The following CACNA1A variants were observed in gnomAD, a reference collection of about 807,000 sequenced individuals.
CACNA1A encodes voltage-dependent P/Q-type calcium channel subunit alpha-1A.
Under a neutral mutation model 262.4 loss-of-function variants are expected in CACNA1A, and 57 were observed. The ratio of observed to expected loss-of-function variants is 0.22; its 90% CI spans 0.18 to 0.27. CACNA1A has a LOEUF of 0.27. Ranked by LOEUF, CACNA1A falls within the 10% of genes least tolerant of loss-of-function variation. The pLI is 1.00. For missense variants in CACNA1A, 2,526 were observed against 3,562.8 expected (o/e 0.71, Z 7.41); for synonymous variants, 1,431 against 1,419.3 (o/e 1.01, Z -0.18).
intron 5 of CACNA1A, chr19:13,365,080 C>T (rs1268218319): frequency 8.3e-6 from 3 of 360,478 alleles, no homozygotes; most frequent in Non-Finnish European, 1.5e-5. Context: ...GATGGTGCTT[C>T]CTGGGATCAT....
rs1210220449 is a variant in CACNA1A, at chr19:13,359,615, G to A, written c.969C>T (p.Leu323=). The A allele has an allele frequency of 1.9e-6, 3 of 1,609,940 alleles. No homozygotes were observed. The Middle Eastern group carries it at 5.0e-4, about 267-fold the overall frequency. ...TCCCAGCATCACTTACATTGTAGAG[G>A]AGATCAGTCCACCCTTCCATGGTTA... ...QCITMEGWTD[L]LYNSNDASGN... Residue 323 remains leucine, a synonymous_variant, in exon 6 of 47, where the codon CTC becomes CTT. Transcript: ENST00000360228.
intron 3 of CACNA1A, among the ~76,000 whole-genome samples, chr19:13,393,760 C>A (rs1303171014): frequency 2.2e-5 from 2 of 92,756 alleles, no homozygotes; most frequent in Non-Finnish European, 5.2e-5. Flanking sequence ...CCCCTTCCTT[C>A]CCTTCCCTCC....
rs908571952 is a variant in CACNA1A at position 13,503,526 on chromosome 19, C to G, written c.293+2406G>C. 1.6e-4 allele frequency among the ~76,000 whole-genome samples: 24 copies of G among 151,880 alleles called. No individual in the cohort carries two copies. The East Asian group carries it at 4.1e-3, about 26-fold the overall frequency. ...AAAGTAGAATGTTCTGCCCTGGTAT[C>G]GTGACTCTGACATTCCACGTGTCTT... On this transcript the variant is annotated intron_variant, in intron 1 of 46. Transcript: ENST00000360228.
At chr19:13,406,131 C>T (rs1412580632) in intron 3 of CACNA1A, among the ~76,000 whole-genome samples, 1 of 151,816 alleles carries the variant, frequency 6.6e-6, no homozygotes, top group African/African-American at 2.4e-5. Context: ...GCCTGGTCAA[C>T]ATAGTGAAAC....
intron 19 of CACNA1A, among the ~76,000 whole-genome samples, chr19:13,290,658 C>T (rs916089309): frequency 6.6e-6 from 1 of 151,964 alleles, no homozygotes; most frequent in African/African-American, 2.4e-5. Flanking sequence ...AGAGATCCAC[C>T]TGCCTTGGCC....
At chr19:13,235,110 A>G (rs957002932) in intron 33 of CACNA1A, 74 bp from the exon 34 acceptor site, 434 of 1,541,364 alleles carry the variant, frequency 2.8e-4, no homozygotes, top group Non-Finnish European at 3.6e-4. Flanking sequence ...CTCAACCTCC[A>G]TGGCTGCTTC....
chr19:13,217,067 A>G (rs2055039808), intron 38 of CACNA1A, among the ~76,000 whole-genome samples: 1 of 152,168 alleles, frequency 6.6e-6, no homozygotes, highest in Non-Finnish European at 1.5e-5. Context: ...TGGGAGGTGG[A>G]GGCTGCAGTG....
chr19:13,214,569 T>C lies in CACNA1A; in HGVS notation c.5771A>G (p.Lys1924Arg), dbSNP rs1181667215. The C allele has an allele frequency of 6.2e-7, 1 of 1,613,996 alleles. No individual in the cohort carries two copies. The highest frequency in any genetic ancestry group is 2.2e-5 in the East Asian group (1 of 44,876). ...DKQQMDAELR[K>R]EMMAIWPNLS... is the part of the protein sequence containing the mutation. ...ATTGGGCCAAATCGCCATCATCTCC[T>C]TCCGCAGCTCAGCGTCCATCTGCTG... The change falls in exon 39 of 47, where the codon AAG becomes AGG. Residue 1924 changes from lysine to arginine, a missense_variant. Lys to Arg is a conservative substitution (Grantham distance 26). Coordinates refer to ENST00000360228, the MANE Select transcript of CACNA1A (RefSeq NM_001127222.2). This position sits in a 1 kb window ranked among gnomAD's most constrained non-coding sequence, Gnocchi z 4.1.
intron 24 of CACNA1A, chr19:13,263,325 G>A (rs117819326): frequency 0.012 from 1,916 of 162,734 alleles, 11 homozygotes; most frequent in Non-Finnish European, 0.016. Flanking sequence ...ACGCCACTGC[G>A]CCTGGCTAAT....
chr19:13,413,907 G>GAAAAGAAAAGAAAAGAAAAGA lies in CACNA1A; in HGVS notation c.539+38968_539+38969insTCTTTTCTTTTCTTTTCTTTT, dbSNP rs199642802. Among the ~76,000 whole-genome samples, 10 of 83,144 alleles carry GAAAAGAAAAGAAAAGAAAAGA rather than the reference G, an allele frequency of 1.2e-4. No homozygotes were observed. The East Asian group carries it at 1.6e-3, about 14-fold the overall frequency. The allele number at this position is 83,144 out of a possible 152,430, so 54.5% of individuals were successfully genotyped here. A position where few individuals can be genotyped will look rare whatever the true frequency, so the allele number is the denominator to read the frequency against. On this transcript the variant is annotated intron_variant, in intron 3 of 46. Transcript: ENST00000360228. ...AAAGAAAGAAAGAAAAAGAAAGAAA[G>GAAAAGAAAAGAAAAGAAAAGA]AAAGAAAGAAAGAAAGAAAGAAAGA... is the stretch of plus-strand genomic sequence containing the variant.
intron 24 of CACNA1A, among the ~76,000 whole-genome samples, chr19:13,268,922 G>A (rs1328886227): frequency 9.5e-6 from 1 of 104,764 alleles, no homozygotes; most frequent in Non-Finnish European, 1.9e-5. Flanking sequence ...TTTTTTTGAT[G>A]GATTCTCACT....
rs1489951571 is a variant in CACNA1A, at chr19:13,234,907, G to A, written c.5249+14C>T. Reference sequence around the variant, plus strand: ...CCACGGAAACAGAATTATCAGAGCAGGTCCCCTTCTCACCGGAAGAGAAGC... The same window carrying A: ...CCACGGAAACAGAATTATCAGAGCAAGTCCCCTTCTCACCGGAAGAGAAGC... On this transcript the variant is annotated intron_variant, in intron 34 of 46. Coordinates refer to ENST00000360228, the MANE Select transcript of CACNA1A (RefSeq NM_001127222.2). 2 of 1,558,030 alleles carry A rather than the reference G, an allele frequency of 1.3e-6. No individual in the cohort carries two copies. The highest frequency in any genetic ancestry group is 1.8e-6 in the Non-Finnish European group (2 of 1,128,826).
intron 22 of CACNA1A, among the ~76,000 whole-genome samples, chr19:13,281,752 G>A (rs2057297117): frequency 6.6e-6 from 1 of 152,216 alleles, no homozygotes; most frequent in South Asian, 2.1e-4. Context: ...GTGGTTACGT[G>A]GTGTGAACGT....
Position 13,207,699 on chromosome 19 carries a change from A to G in CACNA1A, c.7135T>C (p.Ser2379Pro). ...CCGCCGTGTCGACAGGCCCTGGGGGACTCGCTCCGGGCCGGGCCTGGGACC... is the reference window on the plus strand; with the variant it reads ...CCGCCGTGTCGACAGGCCCTGGGGGGCTCGCTCCGGGCCGGGCCTGGGACC... The part of the protein sequence containing the change: ...RRVPGPARSE[S>P]PRACRHGGAR... Residue 2379 changes from serine to proline, a missense_variant, in exon 47 of 47, where the codon TCC (serine) becomes CCC (proline). Around this residue, in one of 17 missense-constraint regions of CACNA1A, gnomAD observed 929 missense variants for 868.1 expected, o/e 1.07. Transcript: ENST00000360228. This position sits in a 1 kb window ranked among gnomAD's most constrained non-coding sequence, Gnocchi z 5.7. 1 of 1,376,942 alleles carries G rather than the reference A, an allele frequency of 7.3e-7. No homozygotes were observed. The highest frequency in any genetic ancestry group is 9.4e-7 in the Non-Finnish European group (1 of 1,067,232). The allele number at this position is 1,376,942 out of a possible 1,614,324, so 85.3% of individuals were successfully genotyped here.
At chr19:13,453,735 C>G (rs1245326191) in intron 2 of CACNA1A, among the ~76,000 whole-genome samples, 1 of 152,228 alleles carries the variant, frequency 6.6e-6, no homozygotes, top group Non-Finnish European at 1.5e-5. Context: ...TCCATCAGAG[C>G]CCCAATGTGA....
chr19:13,329,486 CTTTTTTTT>C (rs35821858), intron 10 of CACNA1A, among the ~76,000 whole-genome samples: 3 of 123,860 alleles, frequency 2.4e-5, no homozygotes, highest in African/African-American at 6.3e-5. Flanking sequence ...TGGTTTGTGT[CTTTTTTTT>C]TTTTTTTTTT....
chr19:13,216,918 C>T (rs1398865419), intron 38 of CACNA1A, among the ~76,000 whole-genome samples: 1 of 151,994 alleles, frequency 6.6e-6, no homozygotes, highest in Non-Finnish European at 1.5e-5. Flanking sequence ...GGGTGGGGGG[C>T]TTGAAAGAGG....
chr19:13,455,768 G>T (rs2060994261), intron 1 of CACNA1A, among the ~76,000 whole-genome samples: 2 of 151,686 alleles, frequency 1.3e-5, no homozygotes, highest in African/African-American at 4.8e-5. Context: ...TACTTGGGAG[G>T]CTGAGGCGAG....
intron 1 of CACNA1A, among the ~76,000 whole-genome samples, chr19:13,472,771 G>A (rs1054237000): frequency 1.4e-4 from 22 of 152,080 alleles, no homozygotes; most frequent in African/African-American, 4.3e-4. Context: ...TCAGAGATGG[G>A]GCCTTGCTCT....
Sources: gnomAD v4.1 joint callset for allele counts (sites outside exome capture counted in the v4.1 genomes callset) on GRCh38, gnomAD v4.1.1 for gene constraint, gnomAD v4.1.1 regional missense constraint, Gnocchi (gnomAD v3.1) non-coding constraint, MANE v1.5 for transcripts, NCBI Gene and HGNC (gene_info 2026-07-23, HGNC 2026-07-21) for gene names.